Variants in GFRA1 observed in about 807,000 individuals in gnomAD.
GFRA1 encodes GDNF family receptor alpha 1.
Under a neutral mutation model 51.6 loss-of-function variants are expected in GFRA1, and 16 were observed. The observed-to-expected ratio is 0.31, with a 90% CI of 0.21 to 0.47. The LOEUF (loss-of-function observed/expected upper bound fraction) is 0.47. Among genes scored for constraint, GFRA1 ranks in the 20% least tolerant of loss-of-function variants. The probability of loss-of-function intolerance (pLI) is 1.00; values close to 1 mark genes in which losing one functional copy is unlikely to be tolerated. For synonymous variants in GFRA1, 270 were observed against 241.3 expected (o/e 1.12, Z -1.10); for missense variants, 530 against 594.3 (o/e 0.89, Z 1.13).
intron 4 of GFRA1, among the ~76,000 whole-genome samples, chr10:116,247,489 G>C (rs1283917273): frequency 1.3e-5 from 2 of 152,184 alleles, no homozygotes; most frequent in Admixed American, 6.5e-5. Flanking sequence ...CTTATCCCGT[G>C]GTCTCTAAGG....
At chr10:116,177,361 G>C (rs879326356) in intron 5 of GFRA1, among the ~76,000 whole-genome samples, 1 of 152,168 alleles carries the variant, frequency 6.6e-6, no homozygotes, top group Non-Finnish European at 1.5e-5. Flanking sequence ...TGGGCTAAGA[G>C]AACAGACACA....
At chr10:116,171,517 G>C (rs1233510942) in intron 5 of GFRA1, among the ~76,000 whole-genome samples, 1 of 152,122 alleles carries the variant, frequency 6.6e-6, no homozygotes, top group Non-Finnish European at 1.5e-5. Context: ...ATTGAAAATG[G>C]ATGCCTAGAC....
At chr10:116,115,352 G>T (rs997096592) in intron 6 of GFRA1, among the ~76,000 whole-genome samples, 1 of 152,064 alleles carries the variant, frequency 6.6e-6, no homozygotes, top group Non-Finnish European at 1.5e-5. Context: ...GAGGCCGAGG[G>T]AAGAGGTGAC....
intron 4 of GFRA1, among the ~76,000 whole-genome samples, chr10:116,250,113 A>T (rs1304307412): frequency 1.3e-5 from 2 of 152,186 alleles, no homozygotes; most frequent in Non-Finnish European, 2.9e-5. Context: ...GGGAGGAGAA[A>T]GGCAGAGTGT....
intron 6 of GFRA1, among the ~76,000 whole-genome samples, chr10:116,117,560 GA>G (rs754618062): frequency 0.028 from 3,857 of 138,000 alleles, 160 homozygotes; most frequent in African/African-American, 0.057. Flanking sequence ...TGGGTGTGTG[GA>G]TGGATGGATG....
At chr10:116,132,755 C>A (rs1958156150) in intron 5 of GFRA1, among the ~76,000 whole-genome samples, 1 of 152,054 alleles carries the variant, frequency 6.6e-6, no homozygotes, top group Non-Finnish European at 1.5e-5. Context: ...TGAATGGATC[C>A]CCCAGTGCAC....
intron 6 of GFRA1, among the ~76,000 whole-genome samples, chr10:116,097,472 G>C (rs1956649012): frequency 1.3e-5 from 2 of 152,162 alleles, no homozygotes; most frequent in African/African-American, 4.8e-5. Flanking sequence ...CCAGGGGCCG[G>C]TGCAGTCCAC....
At chr10:116,206,928 G>A (rs996385775) in intron 5 of GFRA1, among the ~76,000 whole-genome samples, 1 of 152,048 alleles carries the variant, frequency 6.6e-6, no homozygotes, top group African/African-American at 2.4e-5. Context: ...CACCGCACCC[G>A]GCCTGAAACC....
intron 6 of GFRA1, among the ~76,000 whole-genome samples, chr10:116,106,838 C>T (rs151007773): frequency 6.6e-6 from 1 of 151,966 alleles, no homozygotes; most frequent in African/African-American, 2.4e-5. Context: ...GGGACAGATC[C>T]CTCATGGCTT....
At position 116,061,807 on chromosome 10, in the gene GFRA1, G is replaced by A; in HGVS notation, c.*2591C>T. 2.5e-6 allele frequency: 1 copy of A among 395,200 alleles called. No individual in the cohort carries two copies. The highest frequency in any genetic ancestry group is 4.5e-6 in the Non-Finnish European group (1 of 224,366). The allele number at this position is 395,200 out of a possible 1,614,324, so 24.5% of individuals were successfully genotyped here. On this transcript the variant is annotated 3_prime_UTR_variant, in exon 11 of 11. Coordinates refer to ENST00000355422, the MANE Select transcript of GFRA1 (RefSeq NM_005264.8). Reference sequence around the variant, plus strand: ...AGACAGGTAAATGATTTAACTTATTGTGCTCCAGTTCTGGGGCAAATGATG... The same window carrying A: ...AGACAGGTAAATGATTTAACTTATTATGCTCCAGTTCTGGGGCAAATGATG...
rs142113455 is a variant in GFRA1, at chr10:116,226,676, G to A, written c.419-15031C>T. On this transcript the variant is annotated intron_variant, in intron 4 of 10. Coordinates refer to ENST00000355422, the MANE Select transcript of GFRA1 (RefSeq NM_005264.8). ...GGTGATAAAGTGCATTACATTTATT[G>A]TGCACTTTATTTCTATTAGTACTAC... 7.0e-3 allele frequency: 1,653 copies of A among 237,706 alleles called. 28 individuals are homozygous for A. Among genetic ancestry groups the A allele is most frequent in the African/African-American group, 0.034 (1,530 of 44,652 alleles). 14.7% of individuals were successfully genotyped at this position (237,706 alleles called of 1,614,324 possible).
rs1385169289 is a variant in GFRA1, at chr10:116,211,644, A to G, written c.420T>C (p.Asp140=). 18 of 1,550,734 alleles carry G rather than the reference A, an allele frequency of 1.2e-5. No homozygotes were observed. The Admixed American group carries it at 2.9e-4, about 25-fold the overall frequency. Residue 140 remains aspartate (D), a splice_region_variant and synonymous_variant, in exon 5 of 11, where the codon GAT becomes GAC. Transcript: ENST00000355422. ...CAGTGAACTTACCTTGCTGAAAAAC[A>G]TCTGCCAAGAAAGAAGAAAAGTAGG... The part of the protein sequence containing the change: ...DIFRVVPFIS[D]VFQQVEHIPK...
chr10:116,107,979 G>A (rs1297216735), intron 6 of GFRA1, among the ~76,000 whole-genome samples: 2 of 151,948 alleles, frequency 1.3e-5, no homozygotes, highest in Non-Finnish European at 2.9e-5. Context: ...GGGTGCATAA[G>A]CCCCAAGTTC....
intron 6 of GFRA1, among the ~76,000 whole-genome samples, chr10:116,120,219 T>G (rs914345806): frequency 6.6e-6 from 1 of 152,174 alleles, no homozygotes; most frequent in African/African-American, 2.4e-5. Context: ...CTGACCAATT[T>G]CCTTTTGAGG....
intron 6 of GFRA1, among the ~76,000 whole-genome samples, chr10:116,101,636 AAC>A (rs1956818730): frequency 6.6e-6 from 1 of 152,200 alleles, no homozygotes; most frequent in South Asian, 2.1e-4. Context: ...CTTTCTCTGC[AAC>A]AGTTTTAGGA....
intron 4 of GFRA1, among the ~76,000 whole-genome samples, chr10:116,239,615 C>T (rs61289994): frequency 6.6e-6 from 1 of 152,242 alleles, no homozygotes; most frequent in Admixed American, 6.5e-5. Context: ...TCAGTACTTC[C>T]TAAACACTAA....
At chr10:116,088,079 G>A (rs1347912393) in intron 9 of GFRA1, among the ~76,000 whole-genome samples, 1 of 152,142 alleles carries the variant, frequency 6.6e-6, no homozygotes, top group African/African-American at 2.4e-5. Context: ...TCTGAAGACT[G>A]TGTGTCTGGG....
chr10:116,212,564 ACAT>A (rs1010869233), intron 4 of GFRA1, among the ~76,000 whole-genome samples: 1 of 146,732 alleles, frequency 6.8e-6, no homozygotes, highest in Non-Finnish European at 1.5e-5. Flanking sequence ...ACACACACAC[ACAT>A]CTAGTTAAAA....
chr10:116,064,388 T>G lies in GFRA1; in HGVS notation c.*10A>C, dbSNP rs1267222699. On this transcript the variant is annotated 3_prime_UTR_variant, in exon 11 of 11. Coordinates refer to ENST00000355422, the MANE Select transcript of GFRA1 (RefSeq NM_005264.8). ...TTTTTACATGTCCATATTGTATTTT[T>G]TTAATGCAGCTATGATGTTTCTGTT... is the stretch of plus-strand genomic sequence containing the variant. 6.2e-7 allele frequency: 1 copy of G among 1,611,142 alleles called. No homozygotes were observed. The highest frequency in any genetic ancestry group is 8.5e-7 in the Non-Finnish European group (1 of 1,179,034).
Sources: allele counts gnomAD v4.1 joint callset (sites outside exome capture counted in the v4.1 genomes callset), GRCh38; gene constraint gnomAD v4.1.1; transcripts MANE v1.5; gene names NCBI Gene and HGNC (gene_info 2026-07-23, HGNC 2026-07-21).